GAN: variants seen among roughly 807,000 people sequenced by gnomAD.
GAN encodes gigaxonin, also known as epididymis secretory sperm binding protein.
Under a neutral mutation model 71.3 loss-of-function variants are expected in GAN, and 48 were observed. The observed-to-expected ratio is 0.67, with a 90% CI of 0.53 to 0.86. GAN has a LOEUF of 0.86. GAN is among the 40% of genes least tolerant of loss of function. The pLI, the probability that GAN is intolerant of heterozygous loss-of-function variation, is 0.00. For missense variants in GAN, 928 were observed against 770.1 expected (o/e 1.21, Z -2.43); for synonymous variants, 386 against 276.8 (o/e 1.39, Z -3.92).
chr16:81,329,136 TCCTGTTCC>T (rs146413801), intron 1 of GAN, among the ~76,000 whole-genome samples: 4,559 of 152,272 alleles, frequency 0.03, 109 homozygotes, highest in Non-Finnish European at 0.046. Flanking sequence ...CTGTCTCATC[TCCTGTTCC>T]CCCACCCTTT....
At chr16:81,331,583 C>T (rs903532946) in intron 1 of GAN, among the ~76,000 whole-genome samples, 1 of 152,070 alleles carries the variant, frequency 6.6e-6, no homozygotes, top group Admixed American at 6.6e-5. Context: ...GCTCCATTTC[C>T]CTCAAGGCAA....
Position 81,346,507 on chromosome 16 carries a change from A to G in GAN, c.168-5076A>G, listed in dbSNP as rs573877035. On this transcript the variant is annotated intron_variant, in intron 1 of 10. Transcript: ENST00000648994. ...AGTGGTGGCATTAGATTCTCATAGG[A>G]GCGCGAACCCTATTGTGAATTGGGC... 2.0e-4 allele frequency among the ~76,000 whole-genome samples: 30 copies of G among 152,252 alleles called. No homozygotes were observed. The South Asian group carries it at 5.4e-3, about 27-fold the overall frequency.
intron 2 of GAN, among the ~76,000 whole-genome samples, chr16:81,352,185 A>G (rs537840074): frequency 1.3e-5 from 2 of 152,324 alleles, no homozygotes; most frequent in East Asian, 3.9e-4. Flanking sequence ...AGACATGACA[A>G]GCACCTTATT....
At chr16:81,333,172 A>G (rs1215267371) in intron 1 of GAN, among the ~76,000 whole-genome samples, 7 of 149,194 alleles carry the variant, frequency 4.7e-5, no homozygotes, top group African/African-American at 1.2e-4. Flanking sequence ...AACCCAGGAG[A>G]TGGAGGTTGC....
intron 6 of GAN, among the ~76,000 whole-genome samples, 183 bp downstream of exon 6, chr16:81,362,794 T>C (rs921938656): frequency 2.0e-5 from 3 of 152,148 alleles, no homozygotes; most frequent in Non-Finnish European, 4.4e-5. Flanking sequence ...CCTTCTGGCC[T>C]CCATGAGTTT....
At chr16:81,364,306 G>C (rs1211103005) in intron 7 of GAN, among the ~76,000 whole-genome samples, 2 of 152,032 alleles carry the variant, frequency 1.3e-5, no homozygotes, top group East Asian at 1.9e-4. Context: ...GTCTTACTCT[G>C]TTGCCCAGAT....
At chr16:81,332,196 C>T (rs1425048983) in intron 1 of GAN, among the ~76,000 whole-genome samples, 1 of 151,540 alleles carries the variant, frequency 6.6e-6, no homozygotes, top group Non-Finnish European at 1.5e-5. Flanking sequence ...AAAAAAGAAG[C>T]TCATGGATGC....
chr16:81,315,462 C>T (rs1292829022), intron 1 of GAN, among the ~76,000 whole-genome samples, 182 bp downstream of exon 1: 1 of 151,928 alleles, frequency 6.6e-6, no homozygotes, highest in Non-Finnish European at 1.5e-5. Context: ...ACCGCGTCCC[C>T]CAGGCGGCCT....
intron 9 of GAN, among the ~76,000 whole-genome samples, chr16:81,374,045 G>A (rs1446373712): frequency 1.3e-5 from 2 of 152,268 alleles, no homozygotes; most frequent in African/African-American, 4.8e-5. Context: ...TCAGCAGGTG[G>A]TTCATTCTTT....
intron 1 of GAN, among the ~76,000 whole-genome samples, chr16:81,339,352 C>T (rs1396108420): frequency 6.6e-6 from 1 of 152,196 alleles, no homozygotes; most frequent in Non-Finnish European, 1.5e-5. Context: ...AAACGTTCTT[C>T]CTTGTTTTTG....
rs1292188993 is a variant in GAN at position 81,388,481 on chromosome 16, G to A, written c.*10885G>A. ...AGGTGCCTTCTGAGGCACCGCCAAG[G>A]ACACATCCCAGCGCCTTAGGCACCT... is the stretch of plus-strand genomic sequence containing the variant. On this transcript the variant is annotated 3_prime_UTR_variant, in exon 11 of 11. Coordinates refer to ENST00000648994, the MANE Select transcript of GAN (RefSeq NM_022041.4). The A allele has an allele frequency of 6.6e-6, 1 of 152,424 alleles. No homozygotes were observed. Among genetic ancestry groups the A allele is most frequent in the Non-Finnish European group, 1.5e-5 (1 of 68,212 alleles). 9.4% of individuals were successfully genotyped at this position (152,424 alleles called of 1,614,324 possible).
chr16:81,329,598 C>G (rs1256701054), intron 1 of GAN, among the ~76,000 whole-genome samples: 1 of 152,068 alleles, frequency 6.6e-6, no homozygotes, highest in Admixed American at 6.5e-5. Flanking sequence ...GTATAATTGC[C>G]AAATCAAGTG....
At chr16:81,371,116 T>A (rs1207657475) in intron 9 of GAN, among the ~76,000 whole-genome samples, 1 of 149,252 alleles carries the variant, frequency 6.7e-6, no homozygotes, top group African/African-American at 2.6e-5. Context: ...CAAATTTATG[T>A]TAGTTATTTA....
Position 81,388,347 on chromosome 16 carries a change from G to A in GAN, c.*10751G>A, listed in dbSNP as rs774791084. On this transcript the variant is annotated 3_prime_UTR_variant, in exon 11 of 11. Transcript: ENST00000648994. ...AGACCACATAATGGCCAGAGCATGA[G>A]CCTCACAGATCCCTGAGCAGACCTG... The A allele has an allele frequency of 6.6e-6, 1 of 152,360 alleles. No homozygotes were observed. The highest frequency in any genetic ancestry group is 1.9e-4 in the East Asian group (1 of 5,198). 9.4% of individuals were successfully genotyped at this position (152,360 alleles called of 1,614,324 possible). A position where few individuals can be genotyped will look rare whatever the true frequency, so the allele number is the denominator to read the frequency against.
rs961333401 is a variant in GAN, at chr16:81,364,880, A to C, written c.1237-94A>C. 6 of 1,252,490 alleles carry C rather than the reference A, an allele frequency of 4.8e-6. No individual in the cohort carries two copies. In the African/African-American group the frequency reaches 8.8e-5, roughly 18 times the overall value. The allele number at this position is 1,252,490 out of a possible 1,614,324, so 77.6% of individuals were successfully genotyped here. A position where few individuals can be genotyped will look rare whatever the true frequency, so the allele number is the denominator to read the frequency against. ...GGTTAGAAATCAAACCCCTTCCTAA[A>C]TCTCTTTAAGTATGGCCCAGACAGT... On this transcript the variant is annotated intron_variant, in intron 7 of 10. Transcript: ENST00000648994.
Position 81,356,774 on chromosome 16 carries a change from C to G in GAN, c.634-11C>G. The G allele has an allele frequency of 6.3e-7, 1 of 1,582,440 alleles. No individual in the cohort carries two copies. Among genetic ancestry groups the G allele is most frequent in the Non-Finnish European group, 8.7e-7 (1 of 1,151,092 alleles). On this transcript the variant is annotated splice_polypyrimidine_tract_variant and intron_variant, in intron 3 of 10. Coordinates refer to ENST00000648994, the MANE Select transcript of GAN (RefSeq NM_022041.4). ...ATTGTTTTCGCCCCATCTTTCTTCC[C>G]TCTTCTGCAGGTCCACATGAAGGAT...
rs539499584 is a variant in GAN at position 81,379,921 on chromosome 16, T to C, written c.*2325T>C. ...ATTCATTTTATAAAAATAGTGTTTT[T>C]TTTTTTTAATTTCAGTTCATTGACT... On this transcript the variant is annotated 3_prime_UTR_variant, in exon 11 of 11. Coordinates refer to ENST00000648994, the MANE Select transcript of GAN (RefSeq NM_022041.4). 2.6e-5 allele frequency: 4 copies of C among 152,656 alleles called. No homozygotes were observed. Among genetic ancestry groups the C allele is most frequent in the Non-Finnish European group, 5.9e-5 (4 of 68,018 alleles). 9.5% of individuals were successfully genotyped at this position (152,656 alleles called of 1,614,324 possible). A position where few individuals can be genotyped will look rare whatever the true frequency, so the allele number is the denominator to read the frequency against.
At chr16:81,366,650 G>A (rs978105368) in intron 9 of GAN, among the ~76,000 whole-genome samples, 4 of 152,134 alleles carry the variant, frequency 2.6e-5, no homozygotes, top group African/African-American at 9.7e-5. Context: ...TAAATTTAGG[G>A]TATTTGCATA....
intron 5 of GAN, among the ~76,000 whole-genome samples, chr16:81,362,168 T>A (rs1910696042): frequency 6.6e-6 from 1 of 152,112 alleles, no homozygotes; most frequent in Non-Finnish European, 1.5e-5. Context: ...GCAAAAGTTG[T>A]ATGAGAATCC....
Sources: allele counts gnomAD v4.1 joint callset (sites outside exome capture counted in the v4.1 genomes callset), GRCh38; gene constraint gnomAD v4.1.1; transcripts MANE v1.5; gene names NCBI Gene and HGNC (gene_info 2026-07-23, HGNC 2026-07-21).